The following SEC61A2 variants were observed in gnomAD, a reference collection of about 807,000 sequenced individuals.
SEC61A2 encodes protein transport protein Sec61 subunit alpha isoform 2.
SEC61A2 carries 28 observed loss-of-function variants against 59.9 expected under a neutral mutation model. The observed-to-expected ratio is 0.47, with a 90% CI of 0.35 to 0.64. The LOEUF is 0.64. Ranked by LOEUF, SEC61A2 falls within the 30% of genes least tolerant of loss-of-function variation. SEC61A2 has a pLI of 0.01. For synonymous variants in SEC61A2, 202 were observed against 214.4 expected, an observed-to-expected ratio of 0.94 and a Z score of 0.50; for missense variants, 340 against 585.9, an observed-to-expected ratio of 0.58 and a Z score of 4.33.
chr10:12,157,993 A>G lies in SEC61A2; in HGVS notation c.863A>G (p.Asn288Ser). 6.2e-7 allele frequency: 1 copy of G among 1,614,082 alleles called. No individual in the cohort carries two copies. Among genetic ancestry groups the G allele is most frequent in the Non-Finnish European group, 8.5e-7 (1 of 1,180,002 alleles). ...CCCATCAAACTCTTCTACACCTCCA[A>G]CATCCCCATCATCCTCCAGTCGGCC... ...SYPIKLFYTS[N>S]IPIILQSALV... Residue 288 changes from asparagine (N) to serine (S), a missense_variant, in exon 9 of 12, where the codon AAC (asparagine) becomes AGC (serine). Physicochemically the swap from Asn to Ser is conservative, Grantham distance 46. This residue lies in a region of SEC61A2 where 283 missense variants were observed against 483.2 expected (regional missense o/e 0.59). Coordinates refer to ENST00000298428, the MANE Select transcript of SEC61A2 (RefSeq NM_018144.4).
intron 1 of SEC61A2, chr10:12,130,649 G>A (rs1833713550): frequency 6.5e-6 from 1 of 154,364 alleles, no homozygotes; most frequent in African/African-American, 2.4e-5. Flanking sequence ...GAGGAAAAGG[G>A]ATGGAGAGGT....
chr10:12,166,241 C>A (rs867415505), downstream of SEC61A2: 1 of 153,216 alleles, frequency 6.5e-6, no homozygotes, highest in South Asian at 2.0e-4. Flanking sequence ...CGCCCGTCTA[C>A]GGATGCCTTC....
At position 12,158,457 on chromosome 10, in the gene SEC61A2, G is replaced by A. The variant is rs1297790979; in HGVS notation, c.975+352G>A. On this transcript the variant is annotated intron_variant, in intron 9 of 11. Coordinates refer to ENST00000298428, the MANE Select transcript of SEC61A2 (RefSeq NM_018144.4). The surrounding 1 kb of genome is among the most constrained non-coding windows in gnomAD (Gnocchi z 5.7). ...AAAAGATGCTATTTGCTGGCTGGGT[G>A]CGGTGGCTCACTCCTGTAATCCCAG... is the stretch of plus-strand genomic sequence containing the variant. Among the ~76,000 whole-genome samples, 1 of 152,144 alleles carries A rather than the reference G, an allele frequency of 6.6e-6. No individual in the cohort carries two copies. The highest frequency in any genetic ancestry group is 1.5e-5 in the Non-Finnish European group (1 of 68,028).
Position 12,158,362 on chromosome 10 carries a change from T to C in SEC61A2, c.975+257T>C. On this transcript the variant is annotated intron_variant, in intron 9 of 11. Transcript: ENST00000298428. The surrounding 1 kb of genome is among the most constrained non-coding windows in gnomAD (Gnocchi z 5.7). The stretch of plus-strand genomic sequence containing the variant: ...TGAATGACCTTTTAAGCTAAAATTG[T>C]GGTTGATTTCATAAAAGTAATTTCC... 1 of 425,152 alleles carries C rather than the reference T, an allele frequency of 2.4e-6. No homozygotes were observed. Among genetic ancestry groups the C allele is most frequent in the South Asian group, 2.7e-5 (1 of 36,410 alleles). The allele number at this position is 425,152 out of a possible 1,614,324, so 26.3% of individuals were successfully genotyped here. A position where few individuals can be genotyped will look rare whatever the true frequency, so the allele number is the denominator to read the frequency against.
chr10:12,143,105 G>C lies in SEC61A2; in HGVS notation c.142-12G>C, dbSNP rs771894322. The C allele has an allele frequency of 6.3e-7, 1 of 1,593,288 alleles. No individual in the cohort carries two copies. Among genetic ancestry groups the C allele is most frequent in the South Asian group, 1.1e-5 (1 of 90,564 alleles). ...AATACAGTTTCATAAACTATTTTGT[G>C]TACTATTTTAGATCCCACTGTTTGG... is the stretch of plus-strand genomic sequence containing the variant. On this transcript the variant is annotated splice_polypyrimidine_tract_variant and intron_variant, in intron 3 of 11. Coordinates refer to ENST00000298428, the MANE Select transcript of SEC61A2 (RefSeq NM_018144.4). The surrounding 1 kb of genome is among the most constrained non-coding windows in gnomAD (Gnocchi z 4.8).
At chr10:12,137,604 C>T (rs376898893) in intron 3 of SEC61A2, among the ~76,000 whole-genome samples, 1 of 152,292 alleles carries the variant, frequency 6.6e-6, no homozygotes, top group African/African-American at 2.4e-5. Flanking sequence ...CACACCCAGC[C>T]CAATGATACT....
intron 2 of SEC61A2, among the ~76,000 whole-genome samples, chr10:12,133,786 G>A (rs991701939): frequency 2.6e-5 from 4 of 152,166 alleles, no homozygotes; most frequent in African/African-American, 4.8e-5. Context: ...AAAAATGACA[G>A]GAATGCATTC....
chr10:12,156,083 T>C lies in SEC61A2; in HGVS notation c.616+152T>C. The C allele has an allele frequency of 1.3e-6, 1 of 745,670 alleles. No homozygotes were observed. Among genetic ancestry groups the C allele is most frequent in the Non-Finnish European group, 2.2e-6 (1 of 449,712 alleles). The allele number at this position is 745,670 out of a possible 1,614,324, so 46.2% of individuals were successfully genotyped here. A position where few individuals can be genotyped will look rare whatever the true frequency, so the allele number is the denominator to read the frequency against. On this transcript the variant is annotated intron_variant, in intron 7 of 11. Coordinates refer to ENST00000298428, the MANE Select transcript of SEC61A2 (RefSeq NM_018144.4). This position sits in a 1 kb window ranked among gnomAD's most constrained non-coding sequence, Gnocchi z 5.2. ...TCTTCAAAACTTAATGAGCAGAGATTTGTGGAGTAAGCAATACTACCTCAG... is the reference window on the plus strand; with the variant it reads ...TCTTCAAAACTTAATGAGCAGAGATCTGTGGAGTAAGCAATACTACCTCAG...
At chr10:12,144,145 AT>A (rs997294561) in intron 4 of SEC61A2, among the ~76,000 whole-genome samples, 8 of 151,474 alleles carry the variant, frequency 5.3e-5, no homozygotes, top group Non-Finnish European at 1.2e-4. Context: ...TCGATGGCAG[AT>A]TTTTTTTTGA....
chr10:12,135,018 G>A (rs1433430631), intron 2 of SEC61A2, among the ~76,000 whole-genome samples: 6 of 151,972 alleles, frequency 3.9e-5, no homozygotes, highest in African/African-American at 1.2e-4. Context: ...CTTTAGTTAC[G>A]TTTTTGTGTG....
intron 8 of SEC61A2, among the ~76,000 whole-genome samples, chr10:12,157,425 TC>T (rs780597453): frequency 2.0e-5 from 3 of 151,994 alleles, no homozygotes; most frequent in Non-Finnish European, 4.4e-5. Flanking sequence ...AACCTCCTCT[TC>T]CCGAGTTCAA....
In SEC61A2 at chr10:12,160,977, T is replaced by C. The variant is rs572169098; in HGVS notation, c.1023T>C (p.Leu341=). ...CACGTTCTTACCCAGTTGGAGGCCT[T>C]TGTTACTATCTTTCTCCTCCTGAGT... ...GPARSYPVGG[L]CYYLSPPESM... is the part of the protein sequence containing the mutation. The change falls in exon 10 of 12, where the codon CTT becomes CTC. Residue 341 remains leucine, a synonymous_variant. Transcript: ENST00000298428. The surrounding 1 kb of genome is among the most constrained non-coding windows in gnomAD (Gnocchi z 4.1). The C allele has an allele frequency of 1.9e-4, 308 of 1,614,136 alleles. 7 individuals carry two copies. In the South Asian group the frequency reaches 3.1e-3, roughly 16 times the overall value.
downstream of SEC61A2, chr10:12,166,447 T>C (rs931802208): frequency 2.1e-5 from 5 of 234,038 alleles, no homozygotes; most frequent in East Asian, 1.1e-4. Flanking sequence ...TCTGTAAAGT[T>C]CTGTATTTCC....
At chr10:12,151,740 C>T (rs552843672) in intron 6 of SEC61A2, among the ~76,000 whole-genome samples, 1 of 152,192 alleles carries the variant, frequency 6.6e-6, no homozygotes, top group East Asian at 1.9e-4. Context: ...CATGGTTGAG[C>T]ATTCTGGTTT....
rs1349238843 is a variant in SEC61A2 at position 12,156,250 on chromosome 10, G to T, written c.616+319G>T. Among the ~76,000 whole-genome samples, 1 of 152,162 alleles carries T rather than the reference G, an allele frequency of 6.6e-6. No homozygotes were observed. Among genetic ancestry groups the T allele is most frequent in the Admixed American group, 6.5e-5 (1 of 15,272 alleles). On this transcript the variant is annotated intron_variant, in intron 7 of 11. Coordinates refer to ENST00000298428, the MANE Select transcript of SEC61A2 (RefSeq NM_018144.4). This position sits in a 1 kb window ranked among gnomAD's most constrained non-coding sequence, Gnocchi z 5.2. ...TTGACTGATTTCAGCATCCGTAGGG[G>T]GATAAAAAGGTAGTGGATTTTAGAT...
chr10:12,131,795 A>T (rs1239287804), intron 1 of SEC61A2, among the ~76,000 whole-genome samples: 2 of 135,064 alleles, frequency 1.5e-5, no homozygotes, highest in Non-Finnish European at 3.1e-5. Context: ...GGGTCACGCC[A>T]TTCTCCTGCC....
rs999049338 is a variant in SEC61A2, at chr10:12,161,732, T to G, written c.1168-481T>G. On this transcript the variant is annotated intron_variant, in intron 10 of 11. Coordinates refer to ENST00000298428, the MANE Select transcript of SEC61A2 (RefSeq NM_018144.4). This position sits in a 1 kb window ranked among gnomAD's most constrained non-coding sequence, Gnocchi z 5.4. ...CTCCAGCCTGGCGACAGAGCTAGAC[T>G]CCGTCTCCAAAATAAATAAATAAAT... 5.3e-5 allele frequency among the ~76,000 whole-genome samples: 8 copies of G among 152,094 alleles called. No homozygotes were observed. The highest frequency in any genetic ancestry group is 1.9e-4 in the African/African-American group (8 of 41,426).
intron 3 of SEC61A2, among the ~76,000 whole-genome samples, chr10:12,138,024 G>GATAC (rs759573424): frequency 1.0e-3 from 156 of 151,922 alleles, no homozygotes; most frequent in African/African-American, 3.7e-3. Context: ...TAAATACATA[G>GATAC]ATACATACAT....
chr10:12,144,119 C>T (rs1384639406), intron 4 of SEC61A2, among the ~76,000 whole-genome samples: 1 of 152,120 alleles, frequency 6.6e-6, no homozygotes, highest in African/African-American at 2.4e-5. Flanking sequence ...TGCACCCAGC[C>T]TGGACATACT....
Sources: allele counts gnomAD v4.1 joint callset (sites outside exome capture counted in the v4.1 genomes callset), GRCh38; gene constraint gnomAD v4.1.1; regional missense constraint gnomAD v4.1.1; non-coding constraint Gnocchi (gnomAD v3.1); transcripts MANE v1.5; gene names NCBI Gene and HGNC (gene_info 2026-07-23, HGNC 2026-07-21).